Variants in GRIK4 observed in about 807,000 individuals in gnomAD.
The protein encoded by GRIK4 is glutamate receptor ionotropic, kainate 4.
In GRIK4, 40 loss-of-function variants were observed where a neutral mutation model predicts 104.9. The observed-to-expected ratio is 0.38, with a 90% CI of 0.30 to 0.50. The LOEUF (loss-of-function observed/expected upper bound fraction) is 0.50, where lower values mean the gene tolerates loss of function less well. GRIK4 is among the 20% of genes least tolerant of loss of function. The pLI, the probability that GRIK4 is intolerant of heterozygous loss-of-function variation, is 0.93. For synonymous variants in GRIK4, 485 were observed against 524.9 expected, an observed-to-expected ratio of 0.92 and a Z score of 1.04; for missense variants, 1,047 against 1,308.1, an observed-to-expected ratio of 0.80 and a Z score of 3.08.
intron 1 of GRIK4, among the ~76,000 whole-genome samples, chr11:120,637,332 G>A (rs1229669393): frequency 1.3e-5 from 2 of 152,080 alleles, no homozygotes; most frequent in Non-Finnish European, 2.9e-5. Flanking sequence ...ATGTCAGGGT[G>A]CCCTGGTGGG....
intron 3 of GRIK4, among the ~76,000 whole-genome samples, chr11:120,749,927 A>G (rs1248944322): frequency 2.6e-5 from 4 of 152,178 alleles, no homozygotes; most frequent in East Asian, 1.9e-4. Context: ...GTTGTTTTCT[A>G]TGTATGCAAG....
chr11:120,908,828 C>T (rs1468085337), intron 13 of GRIK4, among the ~76,000 whole-genome samples: 1 of 152,212 alleles, frequency 6.6e-6, no homozygotes, highest in East Asian at 1.9e-4. Flanking sequence ...AGGCTGTGCG[C>T]CCAGACCCTT....
intron 19 of GRIK4, among the ~76,000 whole-genome samples, chr11:120,977,876 T>C (rs1944587392): frequency 6.6e-6 from 1 of 152,210 alleles, no homozygotes; most frequent in Non-Finnish European, 1.5e-5. Flanking sequence ...GCGGTCCATG[T>C]TGTGAATTGC....
intron 8 of GRIK4, among the ~76,000 whole-genome samples, chr11:120,848,983 A>G (rs1027451760): frequency 6.6e-6 from 1 of 152,182 alleles, no homozygotes; most frequent in African/African-American, 2.4e-5. Flanking sequence ...GGTGGAGGTA[A>G]AGAAACTCTT....
chr11:120,831,879 G>A lies in GRIK4; in HGVS notation c.539G>A (p.Arg180Gln), dbSNP rs754083981. The stretch of plus-strand genomic sequence containing the variant: ...CTTTTAAACCTAGAGAAGCTGCTCC[G>A]GCAATTCCTTATCTCCAAGGACACG... ...ECLLNLEKLL[R>Q]QFLISKDTLS... Residue 180 changes from arginine to glutamine, a missense_variant, in exon 7 of 21, where the codon CGG (arginine) becomes CAG (glutamine). Physicochemically the swap from Arg to Gln is conservative, Grantham distance 43 (BLOSUM62 1). Around this residue, in one of 3 missense-constraint regions of GRIK4, gnomAD observed 447 missense variants for 514.9 expected, o/e 0.87. Coordinates refer to ENST00000527524, the MANE Select transcript of GRIK4 (RefSeq NM_014619.5). 1.5e-5 allele frequency: 25 copies of A among 1,613,646 alleles called. No individual in the cohort carries two copies. In the South Asian group the frequency reaches 2.2e-4, roughly 14 times the overall value.
intron 13 of GRIK4, chr11:120,936,508 C>T (rs1029598701): frequency 2.7e-5 from 5 of 187,254 alleles, no homozygotes; most frequent in African/African-American, 1.2e-4. Context: ...CAGACATGGC[C>T]TTCCAGCACT....
chr11:120,786,985 G>A (rs947543625), intron 3 of GRIK4, among the ~76,000 whole-genome samples: 5 of 152,144 alleles, frequency 3.3e-5, no homozygotes, highest in Non-Finnish European at 7.3e-5. Flanking sequence ...ACAAGAATAC[G>A]AAATACACAA....
chr11:120,823,817 C>G (rs560673746), intron 6 of GRIK4, among the ~76,000 whole-genome samples: 3 of 152,340 alleles, frequency 2.0e-5, no homozygotes, highest in Non-Finnish European at 2.9e-5. Context: ...TCCCAGCGGA[C>G]TTGGCAGGCA....
chr11:120,617,210 A>G (rs572794402), intron 1 of GRIK4, among the ~76,000 whole-genome samples: 1 of 152,324 alleles, frequency 6.6e-6, no homozygotes, highest in South Asian at 2.1e-4. Context: ...AGCTCTATAC[A>G]GCAGGGCTAT....
At chr11:120,834,645 G>T (rs1352596963) in intron 7 of GRIK4, among the ~76,000 whole-genome samples, 1 of 152,184 alleles carries the variant, frequency 6.6e-6, no homozygotes, top group Non-Finnish European at 1.5e-5. Flanking sequence ...CGGGGCCTCT[G>T]GGAGACTCAG....
At chr11:120,888,833 T>C (rs934935140) in intron 11 of GRIK4, among the ~76,000 whole-genome samples, 1 of 152,228 alleles carries the variant, frequency 6.6e-6, no homozygotes, top group African/African-American at 2.4e-5. Context: ...AATGCATGTC[T>C]TGACCCACTG....
At chr11:120,761,617 AT>A (rs760936985) in intron 3 of GRIK4, among the ~76,000 whole-genome samples, 3 of 152,260 alleles carry the variant, frequency 2.0e-5, no homozygotes, top group Non-Finnish European at 4.4e-5. Context: ...TCTTGAGTTA[AT>A]TTTTGTATAA....
At chr11:120,644,482 A>G (rs569517091) in intron 1 of GRIK4, among the ~76,000 whole-genome samples, 2 of 152,340 alleles carry the variant, frequency 1.3e-5, no homozygotes, top group South Asian at 4.1e-4. Flanking sequence ...GCTGAGGCTC[A>G]GAGGTTAATG....
chr11:120,817,448 T>A (rs1952991086), intron 5 of GRIK4, among the ~76,000 whole-genome samples: 1 of 152,230 alleles, frequency 6.6e-6, no homozygotes, highest in Non-Finnish European at 1.5e-5. Context: ...TTTATTTTAA[T>A]GTTTTATGAG....
chr11:120,643,391 T>G (rs1391902874), intron 1 of GRIK4, among the ~76,000 whole-genome samples: 1 of 152,156 alleles, frequency 6.6e-6, no homozygotes, highest in Non-Finnish European at 1.5e-5. Context: ...AAGGTGGGAA[T>G]GTGCAGGGTG....
In GRIK4 at chr11:120,940,698, C is replaced by A. The variant is rs775460251; in HGVS notation, c.1590+238C>A. ...TTCTGCCTCTCTGAATAGCGATGAC[C>A]AAGAATGGTCATTCAATACTTGGTG... On this transcript the variant is annotated intron_variant, in intron 14 of 20. Coordinates refer to ENST00000527524, the MANE Select transcript of GRIK4 (RefSeq NM_014619.5). The surrounding 1 kb of genome is among the most constrained non-coding windows in gnomAD (Gnocchi z 4.3). Among the ~76,000 whole-genome samples the A allele has an allele frequency of 6.6e-6, 1 of 152,160 alleles. No individual in the cohort carries two copies. Among genetic ancestry groups the A allele is most frequent in the Non-Finnish European group, 1.5e-5 (1 of 68,040 alleles).
chr11:120,650,220 T>C (rs1344039878), intron 1 of GRIK4, among the ~76,000 whole-genome samples: 1 of 152,202 alleles, frequency 6.6e-6, no homozygotes, highest in Non-Finnish European at 1.5e-5. Context: ...TGAGTCCAGT[T>C]CAGGGTTCAT....
intron 3 of GRIK4, among the ~76,000 whole-genome samples, chr11:120,733,395 T>C (rs1021146544): frequency 1.3e-5 from 2 of 152,084 alleles, no homozygotes; most frequent in African/African-American, 4.8e-5. Context: ...GATCTTCTTG[T>C]CCTTCTTGCC....
chr11:120,730,582 T>C (rs1273773683), intron 3 of GRIK4, among the ~76,000 whole-genome samples: 1 of 151,476 alleles, frequency 6.6e-6, no homozygotes, highest in African/African-American at 2.4e-5. Context: ...ATTTTAGTTT[T>C]TTTTTCTATT....
Sources: gnomAD v4.1 joint callset for allele counts (sites outside exome capture counted in the v4.1 genomes callset) on GRCh38, gnomAD v4.1.1 for gene constraint, gnomAD v4.1.1 regional missense constraint, Gnocchi (gnomAD v3.1) non-coding constraint, MANE v1.5 for transcripts, NCBI Gene and HGNC (gene_info 2026-07-23, HGNC 2026-07-21) for gene names.